DNER: variants seen among roughly 807,000 people sequenced by gnomAD.
The protein encoded by DNER is delta/notch like EGF repeat containing.
DNER carries 33 observed loss-of-function variants against 78.2 expected under a neutral mutation model. The ratio of observed to expected loss-of-function variants is 0.42; its 90% CI spans 0.32 to 0.56. DNER has a LOEUF of 0.56. DNER is among the 20% of genes least tolerant of loss of function. The pLI, the probability that DNER is intolerant of heterozygous loss-of-function variation, is 0.11. For missense variants in DNER, 918 were observed against 975.3 expected (o/e 0.94, Z 0.78); for synonymous variants, 417 against 384.8 (o/e 1.08, Z -0.98).
chr2:229,689,163 T>C (rs1017998829), intron 1 of DNER, among the ~76,000 whole-genome samples: 1 of 152,054 alleles, frequency 6.6e-6, no homozygotes, highest in Admixed American at 6.5e-5. Context: ...TTAAATGAAC[T>C]CCATAATCCA....
At chr2:229,450,944 A>AT (rs1694442936) in intron 7 of DNER, among the ~76,000 whole-genome samples, 1 of 152,204 alleles carries the variant, frequency 6.6e-6, no homozygotes, top group Non-Finnish European at 1.5e-5. Flanking sequence ...GGAAGCGATA[A>AT]TTAGGATCTT....
At chr2:229,522,104 T>A (rs999806722) in intron 5 of DNER, among the ~76,000 whole-genome samples, 1 of 152,022 alleles carries the variant, frequency 6.6e-6, no homozygotes, top group Non-Finnish European at 1.5e-5. Flanking sequence ...TTCATGGAAT[T>A]CATTCCTTCA....
At chr2:229,488,301 T>C (rs1695320671) in intron 6 of DNER, among the ~76,000 whole-genome samples, 1 of 152,222 alleles carries the variant, frequency 6.6e-6, no homozygotes, top group Non-Finnish European at 1.5e-5. Context: ...TGTGTGTGGA[T>C]GTGGATGTGG....
At chr2:229,627,978 A>G (rs116067101) in intron 1 of DNER, among the ~76,000 whole-genome samples, 3,151 of 152,290 alleles carry the variant, frequency 0.021, 43 homozygotes, top group Middle Eastern at 0.034. Flanking sequence ...CAGGAGGTAG[A>G]GTCCTTTTCT....
At chr2:229,695,758 T>G (rs1402908702) in intron 1 of DNER, among the ~76,000 whole-genome samples, 1 of 152,164 alleles carries the variant, frequency 6.6e-6, no homozygotes, top group Non-Finnish European at 1.5e-5. Context: ...CTCGTTAGTG[T>G]CAGACTGGGA....
chr2:229,640,959 G>C (rs557529456), intron 1 of DNER, among the ~76,000 whole-genome samples: 32 of 152,302 alleles, frequency 2.1e-4, no homozygotes, highest in African/African-American at 5.8e-4. Context: ...GCTCAATGGA[G>C]CACATGGCTT....
chr2:229,412,636 G>C (rs1693547055), intron 9 of DNER, among the ~76,000 whole-genome samples: 1 of 152,182 alleles, frequency 6.6e-6, no homozygotes, highest in South Asian at 2.1e-4. Flanking sequence ...ACAGCCATAG[G>C]AGTGGATGAA....
chr2:229,506,929 T>C (rs2154212141), intron 6 of DNER, among the ~76,000 whole-genome samples: 1 of 152,280 alleles, frequency 6.6e-6, no homozygotes, highest in South Asian at 2.1e-4. Context: ...GTTAGGTGAT[T>C]TCGTCATTAT....
chr2:229,370,943 A>T (rs1381337982), intron 11 of DNER, among the ~76,000 whole-genome samples: 1 of 152,208 alleles, frequency 6.6e-6, no homozygotes, highest in Admixed American at 6.5e-5. Flanking sequence ...AAACAACCAT[A>T]CTGGGCTATG....
intron 8 of DNER, among the ~76,000 whole-genome samples, chr2:229,447,069 T>G (rs542257126): frequency 6.6e-6 from 1 of 152,184 alleles, no homozygotes; most frequent in Non-Finnish European, 1.5e-5. Flanking sequence ...GAGTTGATCA[T>G]GAAATGATGA....
intron 1 of DNER, among the ~76,000 whole-genome samples, chr2:229,667,960 C>T (rs1699122457): frequency 6.6e-6 from 1 of 152,152 alleles, no homozygotes; most frequent in African/African-American, 2.4e-5. Flanking sequence ...GATTTCGGGG[C>T]AGTGACCATG....
intron 1 of DNER, among the ~76,000 whole-genome samples, chr2:229,606,684 A>G (rs1259809646): frequency 2.0e-5 from 3 of 152,056 alleles, no homozygotes; most frequent in Admixed American, 6.6e-5. Context: ...CTGGAGGTCA[A>G]GAGTTCAAAA....
intron 9 of DNER, among the ~76,000 whole-genome samples, chr2:229,414,692 A>G (rs1481052478): frequency 6.6e-6 from 1 of 152,306 alleles, no homozygotes; most frequent in Middle Eastern, 3.4e-3. Flanking sequence ...AGAGTGGTGG[A>G]CACAGCCTAG....
intron 8 of DNER, among the ~76,000 whole-genome samples, chr2:229,431,587 A>C (rs952092200): frequency 1.4e-5 from 2 of 145,866 alleles, no homozygotes; most frequent in Admixed American, 1.4e-4. Context: ...TGAAAAAGGA[A>C]AAAAAAAAAG....
At chr2:229,626,327 T>TC (rs1164904475) in intron 1 of DNER, among the ~76,000 whole-genome samples, 1 of 152,200 alleles carries the variant, frequency 6.6e-6, no homozygotes, top group African/African-American at 2.4e-5. Flanking sequence ...TTCAAACCAT[T>TC]ACATGCAACT....
rs115464267 is a variant in DNER, at chr2:229,659,527, C to T, written c.276+54621G>A. The stretch of plus-strand genomic sequence containing the variant: ...AAAAACAGTATGACCTTGAATAAAT[C>T]GGGTACCGCTCTTAGCCTCCATTTT... On this transcript the variant is annotated intron_variant, in intron 1 of 12. Coordinates refer to ENST00000341772, the MANE Select transcript of DNER (RefSeq NM_139072.4). Among the ~76,000 whole-genome samples, 481 of 152,192 alleles carry T rather than the reference C, an allele frequency of 3.2e-3. 1 individual carries two copies. The highest frequency in any genetic ancestry group is 8.7e-3 in the African/African-American group (361 of 41,524).
rs1574802535 is a variant in DNER at position 229,357,738 on chromosome 2, G to T, written c.*802C>A. ...AAACATCCTGGAGATAAATAAAGCT[G>T]CACTATGAGAAATACTCACTACTGA... is the stretch of plus-strand genomic sequence containing the variant. On this transcript the variant is annotated 3_prime_UTR_variant, in exon 13 of 13. Transcript: ENST00000341772. 1 of 152,144 alleles carries T rather than the reference G, an allele frequency of 6.6e-6. No homozygotes were observed. The highest frequency in any genetic ancestry group is 2.1e-4 in the South Asian group (1 of 4,816). The allele number at this position is 152,144 out of a possible 1,614,324, so 9.4% of individuals were successfully genotyped here.
At chr2:229,486,940 A>T (rs900848372) in intron 6 of DNER, among the ~76,000 whole-genome samples, 1 of 152,240 alleles carries the variant, frequency 6.6e-6, no homozygotes, top group African/African-American at 2.4e-5. Flanking sequence ...CCTACAGGTG[A>T]TACTAATACA....
intron 1 of DNER, among the ~76,000 whole-genome samples, chr2:229,668,790 A>C (rs1415365286): frequency 3.3e-5 from 5 of 151,684 alleles, no homozygotes; most frequent in Non-Finnish European, 7.4e-5. Flanking sequence ...AATTAGTTCA[A>C]CCATTGTGGA....
Sources: gnomAD v4.1 joint callset for allele counts (sites outside exome capture counted in the v4.1 genomes callset) on GRCh38, gnomAD v4.1.1 for gene constraint, MANE v1.5 for transcripts, NCBI Gene and HGNC (gene_info 2026-07-23, HGNC 2026-07-21) for gene names.